PIGF: variants seen among roughly 807,000 people sequenced by gnomAD.
PIGF encodes the protein phosphatidylinositol glycan anchor biosynthesis class F, also known as GPI ethanolamine phosphate transferase, stabilizing subunit.
In PIGF, 23 loss-of-function variants were observed where a neutral mutation model predicts 26.0. The ratio of observed to expected loss-of-function variants is 0.88; its 90% CI spans 0.64 to 1.25. PIGF has a LOEUF of 1.25. Ranked by LOEUF, PIGF falls within the 50% of genes most tolerant of loss-of-function variation. The pLI is 0.00. For missense variants in PIGF, 278 were observed against 249.9 expected (o/e 1.11, Z -0.76); for synonymous variants, 93 against 92.6 (o/e 1.00, Z -0.03).
At chr2:46,594,839 C>T (rs1669831756) in intron 4 of PIGF, among the ~76,000 whole-genome samples, 3 of 118,400 alleles carry the variant, frequency 2.5e-5, no homozygotes, top group Admixed American at 1.0e-4. Context: ...CGGCCCTCAC[C>T]GTTTTTTTTT....
chr2:46,616,928 A>G, intron 1 of PIGF, 42 bp downstream of exon 1: 1 of 379,082 alleles, frequency 2.6e-6, no homozygotes, highest in Non-Finnish European at 4.6e-6. Context: ...GGTAGCTTGC[A>G]CCTCGTGAGG....
At chr2:46,596,888 C>A (rs1423546383) in intron 4 of PIGF, among the ~76,000 whole-genome samples, 5 of 152,178 alleles carry the variant, frequency 3.3e-5, no homozygotes, top group Non-Finnish European at 7.3e-5. Flanking sequence ...TCACAGTGAA[C>A]CACACAGTAA....
intron 2 of PIGF, 49 bp from the exon 3 acceptor site, chr2:46,613,834 C>A (rs1298719008): frequency 6.9e-7 from 1 of 1,444,812 alleles, no homozygotes; most frequent in East Asian, 2.4e-5. Flanking sequence ...GCTTAAAGGA[C>A]AATAAATTCT....
intron 5 of PIGF, chr2:46,591,488 C>A (rs760153896): frequency 3.5e-5 from 28 of 809,064 alleles, no homozygotes; most frequent in Non-Finnish European, 1.2e-5. Context: ...AAAAAGAAAG[C>A]ACATTTATTT....
intron 5 of PIGF, among the ~76,000 whole-genome samples, chr2:46,592,189 T>C (rs1238930134): frequency 6.6e-6 from 1 of 152,104 alleles, no homozygotes; most frequent in Admixed American, 6.5e-5. Flanking sequence ...CTGTCTTTTT[T>C]AAAAACAATA....
chr2:46,598,450 C>G (rs568094428), intron 4 of PIGF, among the ~76,000 whole-genome samples: 10 of 151,912 alleles, frequency 6.6e-5, no homozygotes, highest in Middle Eastern at 3.4e-3. Flanking sequence ...TAACCCACGG[C>G]CCATAGGCCA....
chr2:46,588,253 A>G lies in PIGF; in HGVS notation c.546+4222T>C. On this transcript the variant is annotated intron_variant, in intron 5 of 5. Transcript: ENST00000281382. The surrounding 1 kb of genome is among the most constrained non-coding windows in gnomAD (Gnocchi z 4.1). The stretch of plus-strand genomic sequence containing the variant: ...AATTGGCATAACTAAATACCAGAGA[A>G]ATAGATAAATTAACAGTCCACTCTA... 1.9e-6 allele frequency: 3 copies of G among 1,575,646 alleles called. No individual in the cohort carries two copies. Among genetic ancestry groups the G allele is most frequent in the Non-Finnish European group, 2.6e-6 (3 of 1,163,250 alleles).
chr2:46,615,118 C>A lies in PIGF; in HGVS notation c.47G>T (p.Cys16Phe). The A allele has an allele frequency of 1.9e-6, 3 of 1,580,058 alleles. No individual in the cohort carries two copies. Among genetic ancestry groups the A allele is most frequent in the Non-Finnish European group, 2.6e-6 (3 of 1,149,076 alleles). ...IKRLLYTHLLCIFSIILSVFI... is the reference protein window; with the variant it reads ...IKRLLYTHLLFIFSIILSVFI... ...GACACTTAGGATAATTGAAAATATG[C>A]ATAAAAGATGGGTATACAGTAGTCT... Residue 16 changes from cysteine (C) to phenylalanine (F), a missense_variant, in exon 2 of 6, where the codon TGC (cysteine) becomes TTC (phenylalanine). By Grantham distance (205) the Cys-to-Phe change is radical (BLOSUM62 -2). Transcript: ENST00000281382.
intron 4 of PIGF, among the ~76,000 whole-genome samples, chr2:46,599,309 TGATA>T (rs1669985853): frequency 6.6e-6 from 1 of 152,242 alleles, no homozygotes; most frequent in South Asian, 2.1e-4. Flanking sequence ...ATTATTTTCT[TGATA>T]TAGTGAGTCC....
intron 5 of PIGF, among the ~76,000 whole-genome samples, chr2:46,583,454 T>G (rs1572764493): frequency 1.3e-5 from 2 of 152,152 alleles, no homozygotes; most frequent in East Asian, 3.8e-4. Flanking sequence ...GTATATAGAT[T>G]ATCAGAACTC....
intron 4 of PIGF, among the ~76,000 whole-genome samples, chr2:46,595,656 T>TGG (rs1669860105): frequency 1.3e-5 from 2 of 152,228 alleles, no homozygotes; most frequent in Non-Finnish European, 2.9e-5. Context: ...CTCTTATATT[T>TGG]AATCACTTGA....
At chr2:46,581,959 A>G (rs1220795448) in intron 5 of PIGF, 1 of 183,208 alleles carries the variant, frequency 5.5e-6, no homozygotes, top group Non-Finnish European at 1.2e-5. Flanking sequence ...GGCTGTGTAC[A>G]TCAAATGAAA....
Position 46,581,462 on chromosome 2 carries a change from T to A in PIGF, c.*16A>T. The A allele has an allele frequency of 6.2e-7, 1 of 1,608,484 alleles. No individual in the cohort carries two copies. The highest frequency in any genetic ancestry group is 8.5e-7 in the Non-Finnish European group (1 of 1,177,912). On this transcript the variant is annotated 3_prime_UTR_variant, in exon 6 of 6. Transcript: ENST00000281382. ...CTTACAGAATCTGCACAAAGAAATA[T>A]CTCCCTTTGCTCCAGTTAATTGTTC...
At chr2:46,607,700 CTT>C (rs1217960741) in intron 4 of PIGF, among the ~76,000 whole-genome samples, 4 of 142,688 alleles carry the variant, frequency 2.8e-5, no homozygotes, top group Admixed American at 7.0e-5. Flanking sequence ...AATTTCTTTT[CTT>C]TTTTTTTTTT....
intron 5 of PIGF, chr2:46,582,034 C>T (rs1488565965): frequency 6.4e-6 from 1 of 156,240 alleles, no homozygotes; most frequent in African/African-American, 2.4e-5. Flanking sequence ...AGAGGAAAGA[C>T]CTAGAATCCA....
Position 46,592,484 on chromosome 2 carries a change from T to G in PIGF, c.537A>C (p.Arg179Ser). The G allele has an allele frequency of 6.3e-7, 1 of 1,576,844 alleles. No homozygotes were observed. The stretch of plus-strand genomic sequence containing the variant: ...AGTAACTGAAACCAACCTGCCATGG[T>G]CTTTCCCAATCCAGTGGAATAGGAA... ...GALPIPLDWE[R>S]PWQVWPISCT... Residue 179 changes from arginine to serine, a missense_variant, in exon 5 of 6, where the codon AGA becomes AGC. Arg to Ser is a moderately radical substitution (Grantham distance 110). Transcript: ENST00000281382.
At chr2:46,586,795 G>C (rs1409903447) in intron 5 of PIGF, among the ~76,000 whole-genome samples, 3 of 152,152 alleles carry the variant, frequency 2.0e-5, no homozygotes, top group Non-Finnish European at 2.9e-5. Context: ...TAAAGTAAAT[G>C]TTATTGTCTG....
Position 46,612,351 on chromosome 2 carries a change from A to G in PIGF, c.321-7T>C. 1 of 1,041,988 alleles carries G rather than the reference A, an allele frequency of 9.6e-7. No individual in the cohort carries two copies. Among genetic ancestry groups the G allele is most frequent in the South Asian group, 1.6e-5 (1 of 61,796 alleles). The allele number at this position is 1,041,988 out of a possible 1,614,324, so 64.5% of individuals were successfully genotyped here. On this transcript the variant is annotated splice_region_variant and splice_polypyrimidine_tract_variant and intron_variant, in intron 3 of 5. Transcript: ENST00000281382. The stretch of plus-strand genomic sequence containing the variant: ...AAATGTTTCCAATGCCAACCTAGAA[A>G]AAAAAAAAGATTACTTTTTAAAAAA...
chr2:46,605,683 T>A (rs1670198523), intron 4 of PIGF, among the ~76,000 whole-genome samples: 1 of 152,134 alleles, frequency 6.6e-6, no homozygotes, highest in Non-Finnish European at 1.5e-5. Flanking sequence ...AGAACCTGTT[T>A]TCTGATCCTC....
Sources: allele counts gnomAD v4.1 joint callset (sites outside exome capture counted in the v4.1 genomes callset), GRCh38; gene constraint gnomAD v4.1.1; non-coding constraint Gnocchi (gnomAD v3.1); transcripts MANE v1.5; gene names NCBI Gene and HGNC (gene_info 2026-07-23, HGNC 2026-07-21).